Variants in PACRG observed in about 807,000 individuals in gnomAD.
PACRG encodes parkin coregulated.
In PACRG, 29 loss-of-function variants were observed where a neutral mutation model predicts 29.7. The ratio of observed to expected loss-of-function variants is 0.98; its 90% CI spans 0.73 to 1.33. PACRG has a LOEUF of 1.33. Ranked by LOEUF, PACRG falls within the 40% of genes most tolerant of loss-of-function variation. The pLI is 0.00. For synonymous variants in PACRG, 116 were observed against 118.7 expected, an observed-to-expected ratio of 0.98 and a Z score of 0.15; for missense variants, 279 against 316.2, an observed-to-expected ratio of 0.88 and a Z score of 0.89.
intron 2 of PACRG, among the ~76,000 whole-genome samples, chr6:163,059,692 T>C (rs1392706440): frequency 1.3e-5 from 2 of 152,184 alleles, no homozygotes; most frequent in Non-Finnish European, 2.9e-5. Context: ...TTAGGCAAGT[T>C]ATTAAATCTC....
chr6:163,068,683 C>G (rs1259793914), intron 3 of PACRG, among the ~76,000 whole-genome samples: 1 of 151,824 alleles, frequency 6.6e-6, no homozygotes, highest in Non-Finnish European at 1.5e-5. Context: ...TCATTTTTTC[C>G]TACTCTGTCG....
At chr6:162,969,372 GT>G (rs1801335863) in intron 2 of PACRG, among the ~76,000 whole-genome samples, 1 of 151,850 alleles carries the variant, frequency 6.6e-6, no homozygotes. Flanking sequence ...TCTCTCTCCT[GT>G]CCACTGCTAC....
At chr6:163,062,566 C>CA (rs1469246263) in intron 3 of PACRG, among the ~76,000 whole-genome samples, 1 of 152,190 alleles carries the variant, frequency 6.6e-6, no homozygotes, top group Non-Finnish European at 1.5e-5. Flanking sequence ...TAAAATGCCT[C>CA]ACAGTAATGA....
intron 2 of PACRG, among the ~76,000 whole-genome samples, chr6:162,856,076 A>C (rs558158275): frequency 7.1e-4 from 108 of 152,090 alleles, no homozygotes; most frequent in Admixed American, 3.9e-3. Context: ...TTGTGTTTAG[A>C]GACTTGGTCT....
At chr6:163,007,542 T>C (rs1805232648) in intron 2 of PACRG, among the ~76,000 whole-genome samples, 1 of 152,144 alleles carries the variant, frequency 6.6e-6, no homozygotes, top group Non-Finnish European at 1.5e-5. Flanking sequence ...CTCCTCAGCT[T>C]GGGAGACCAC....
chr6:162,813,422 C>A (rs1018207330), intron 1 of PACRG, among the ~76,000 whole-genome samples: 3 of 151,830 alleles, frequency 2.0e-5, no homozygotes, highest in African/African-American at 7.2e-5. Context: ...GAATTAGTTC[C>A]AATGTAAATA....
intron 2 of PACRG, among the ~76,000 whole-genome samples, chr6:163,045,101 T>C (rs1191973507): frequency 6.6e-6 from 1 of 152,108 alleles, no homozygotes; most frequent in East Asian, 1.9e-4. Flanking sequence ...AGCAACTCTG[T>C]TGCCCATCTT....
intron 2 of PACRG, among the ~76,000 whole-genome samples, chr6:163,057,198 C>A (rs373833464): frequency 3.9e-5 from 6 of 152,142 alleles, no homozygotes; most frequent in African/African-American, 1.2e-4. Flanking sequence ...TTGCAGACAG[C>A]AAATAATTCA....
At chr6:163,119,171 G>C (rs1379883617) in intron 4 of PACRG, among the ~76,000 whole-genome samples, 1 of 152,228 alleles carries the variant, frequency 6.6e-6, no homozygotes, top group Non-Finnish European at 1.5e-5. Flanking sequence ...TTAACTGCGA[G>C]GGCCACAGAG....
At chr6:163,149,170 C>T (rs965421486) in intron 4 of PACRG, among the ~76,000 whole-genome samples, 1 of 152,114 alleles carries the variant, frequency 6.6e-6, no homozygotes, top group Admixed American at 6.5e-5. Flanking sequence ...CTCGCTGTCA[C>T]CTCCCCTTCT....
rs1562654292 is a variant in PACRG, at chr6:162,844,025, T to A, written c.291+29744T>A. On this transcript the variant is annotated intron_variant, in intron 2 of 4. Transcript: ENST00000366888. ...AAGCTGTCAGACAGGGACATTTAAG[T>A]CTGCAGAGGTTACTGCTGTCTTTTT... Among the ~76,000 whole-genome samples the A allele has an allele frequency of 2.3e-5, 3 of 130,780 alleles. No individual in the cohort carries two copies. The South Asian group carries it at 8.4e-4, about 37-fold the overall frequency. 85.8% of individuals were successfully genotyped at this position (130,780 alleles called of 152,430 possible). A position where few individuals can be genotyped will look rare whatever the true frequency, so the allele number is the denominator to read the frequency against.
chr6:163,040,072 CG>C (rs1399469514), intron 2 of PACRG, among the ~76,000 whole-genome samples: 1 of 152,200 alleles, frequency 6.6e-6, no homozygotes, highest in Admixed American at 6.5e-5. Flanking sequence ...AAAATAGTTT[CG>C]TGGGCTGGGC....
chr6:162,986,097 A>G (rs1459155046), intron 2 of PACRG, among the ~76,000 whole-genome samples: 2 of 152,212 alleles, frequency 1.3e-5, no homozygotes, highest in East Asian at 3.8e-4. Context: ...TCCCATGCTC[A>G]TGGATGGGTA....
At chr6:163,286,335 T>A (rs1784400366) in intron 4 of PACRG, among the ~76,000 whole-genome samples, 1 of 152,172 alleles carries the variant, frequency 6.6e-6, no homozygotes, top group Admixed American at 6.5e-5. Context: ...TATTGATACA[T>A]AAAGTGGGAC....
At chr6:162,798,106 A>G (rs1232832038) in intron 1 of PACRG, among the ~76,000 whole-genome samples, 1 of 152,172 alleles carries the variant, frequency 6.6e-6, no homozygotes, top group East Asian at 1.9e-4. Context: ...TTTAATACTT[A>G]CTGCTGAATT....
intron 2 of PACRG, among the ~76,000 whole-genome samples, chr6:162,947,311 A>ATCATATATG (rs370888542): frequency 5.5e-5 from 5 of 90,706 alleles, no homozygotes; most frequent in African/African-American, 1.7e-4. Flanking sequence ...TAATATATAT[A>ATCATATATG]ATCATATATA....
intron 4 of PACRG, among the ~76,000 whole-genome samples, chr6:163,301,555 G>C (rs4709697): frequency 0.56 from 85,079 of 152,034 alleles, 25,433 homozygotes; most frequent in African/African-American, 0.79. Context: ...ATGTCCTGCT[G>C]TCCCTCATGG....
chr6:162,928,537 T>C (rs1797618204), intron 2 of PACRG, among the ~76,000 whole-genome samples: 1 of 152,062 alleles, frequency 6.6e-6, no homozygotes, highest in African/African-American at 2.4e-5. Context: ...TTCAATACAT[T>C]CATGTAATTT....
intron 2 of PACRG, among the ~76,000 whole-genome samples, chr6:162,913,320 G>A (rs1253655313): frequency 6.6e-6 from 1 of 152,148 alleles, no homozygotes; most frequent in East Asian, 1.9e-4. Flanking sequence ...CTGTGTTTGT[G>A]GGGGACGTAT....
Sources: allele counts gnomAD v4.1 joint callset (sites outside exome capture counted in the v4.1 genomes callset), GRCh38; gene constraint gnomAD v4.1.1; transcripts MANE v1.5; gene names NCBI Gene and HGNC (gene_info 2026-07-23, HGNC 2026-07-21).